The following C16orf96 variants were observed in gnomAD, a reference collection of about 807,000 sequenced individuals.
The protein encoded by C16orf96 is chromosome 16 open reading frame 96.
A neutral mutation model predicts 103.6 loss-of-function variants in C16orf96; 108 were observed. The observed-to-expected ratio is 1.04, with a 90% CI of 0.89 to 1.22. C16orf96 has a LOEUF of 1.22. Among genes scored for constraint, C16orf96 ranks in the 50% most tolerant of loss-of-function variants. The pLI is 0.00. For synonymous variants in C16orf96, 566 were observed against 593.5 expected, an observed-to-expected ratio of 0.95 and a Z score of 0.67; for missense variants, 1,586 against 1,464.2, an observed-to-expected ratio of 1.08 and a Z score of -1.36.
chr16:4,544,433 C>T, the C16orf96 span, among the ~76,000 whole-genome samples: 4 of 152,088 alleles, frequency 2.6e-5, no homozygotes, highest in Admixed American at 1.3e-4. Context: ...TGGCAAAACC[C>T]GGTATCTACA....
intron 10 of C16orf96, 114 bp downstream of exon 10, chr16:4,591,898 G>C (rs1897067644): frequency 1.2e-6 from 1 of 850,836 alleles, no homozygotes. Flanking sequence ...GGGGATGGGG[G>C]CTTGGCTGTG....
rs1245106525 is a variant in C16orf96, at chr16:4,593,753, G to A, written c.2867+437G>A. ...AGTCCTCACAGCTGCCCTCTAAGAT[G>A]TATCCTGGTACCATCCCATGTCACA... On this transcript the variant is annotated intron_variant, in intron 12 of 15. Transcript: ENST00000444310. This position sits in a 1 kb window ranked among gnomAD's most constrained non-coding sequence, Gnocchi z 4.2. 6.6e-6 allele frequency among the ~76,000 whole-genome samples: 1 copy of A among 152,114 alleles called. No homozygotes were observed. Among genetic ancestry groups the A allele is most frequent in the East Asian group, 1.9e-4 (1 of 5,168 alleles).
intron 9 of C16orf96, among the ~76,000 whole-genome samples, chr16:4,589,415 T>C (rs8052622): frequency 0.96 from 143,137 of 149,474 alleles, 68,814 homozygotes; most frequent in East Asian, 1. Flanking sequence ...TCTGTCCCCC[T>C]ACCAAAAAAA....
At chr16:4,595,686 G>GTTT (rs1555440694) in intron 14 of C16orf96, among the ~76,000 whole-genome samples, 45 of 59,690 alleles carry the variant, frequency 7.5e-4, no homozygotes, top group East Asian at 3.0e-3. Flanking sequence ...AGAAATTCTG[G>GTTT]TTTTTTGTTG....
chr16:4,571,006 CAAACAAAAACAA>C (rs960064232), intron 1 of C16orf96, among the ~76,000 whole-genome samples: 1 of 151,876 alleles, frequency 6.6e-6, no homozygotes, highest in Non-Finnish European at 1.5e-5. Context: ...CCATCTCTAC[CAAACAAAAACAA>C]AAACAAAAAC....
intron 1 of C16orf96, among the ~76,000 whole-genome samples, chr16:4,565,748 C>T (rs751421958): frequency 6.6e-6 from 1 of 152,204 alleles, no homozygotes; most frequent in Non-Finnish European, 1.5e-5. Flanking sequence ...TTTGTCCTCC[C>T]GAGGTGCTGG....
chr16:4,589,317 G>A (rs1402490979), intron 9 of C16orf96, among the ~76,000 whole-genome samples: 5 of 151,816 alleles, frequency 3.3e-5, no homozygotes, highest in Admixed American at 2.0e-4. Context: ...GGTGGCTCAC[G>A]CCTGTTATCC....
At position 4,580,045 on chromosome 16, in the gene C16orf96, C is replaced by A. The variant is rs1336319426; in HGVS notation, c.2272C>A (p.Gln758Lys). Residue 758 changes from glutamine (Q) to lysine (K), a missense_variant, in exon 7 of 16, where the codon CAA (glutamine) becomes AAA (lysine). Gln to Lys is a moderately conservative substitution (Grantham distance 53, BLOSUM62 1). Coordinates refer to ENST00000444310, the MANE Select transcript of C16orf96 (RefSeq NM_001145011.2). ...AGAACTTGAGAGAATTTGGGGCAAC[C>A]AAATAGAGATGATGAAGGATCGCTA... ...EEELERIWGN[Q>K]IEMMKDRYIT... 1 of 1,551,142 alleles carries A rather than the reference C, an allele frequency of 6.4e-7. No homozygotes were observed. The highest frequency in any genetic ancestry group is 8.7e-7 in the Non-Finnish European group (1 of 1,146,800).
intron 13 of C16orf96, 58 bp downstream of exon 13, chr16:4,594,568 G>C (rs1416775778): frequency 6.5e-7 from 1 of 1,543,450 alleles, no homozygotes; most frequent in African/African-American, 1.4e-5. Flanking sequence ...CCCAGCCCCA[G>C]GTGTGGGACC....
At position 4,581,165 on chromosome 16, in the gene C16orf96, TATATATA is replaced by T. The variant is rs1567450479; in HGVS notation, c.2352+1041_2352+1047del. Among the ~76,000 whole-genome samples, 273 of 120,294 alleles carry T rather than the reference TATATATA, an allele frequency of 2.3e-3. 5 individuals are homozygous for T. Among genetic ancestry groups the T allele is most frequent in the African/African-American group, 7.7e-3 (251 of 32,628 alleles). The allele number at this position is 120,294 out of a possible 152,430, so 78.9% of individuals were successfully genotyped here. On this transcript the variant is annotated intron_variant, in intron 7 of 15. Transcript: ENST00000444310. Reference sequence around the variant, plus strand: ...ACATATATATATATATATATATATATATATATATATATATATATAATTAGCCAGGCGT... The same window carrying T: ...ACATATATATATATATATATATATATTATATATATATAATTAGCCAGGCGT...
chr16:4,551,855 C>G (rs961345730), upstream of C16orf96, among the ~76,000 whole-genome samples: 2 of 152,148 alleles, frequency 1.3e-5, no homozygotes, highest in African/African-American at 4.8e-5. Flanking sequence ...AACCCATCAT[C>G]TAGGTTTTAA....
intron 14 of C16orf96, among the ~76,000 whole-genome samples, 189 bp downstream of exon 14, chr16:4,594,992 C>T (rs1408642866): frequency 6.6e-6 from 1 of 152,160 alleles, no homozygotes; most frequent in African/African-American, 2.4e-5. Flanking sequence ...GGGAGGGAGA[C>T]CGCGGGAGCG....
chr16:4,556,780 G>A lies in C16orf96; in HGVS notation c.291G>A (p.Leu97=), dbSNP rs74005359. 7.8e-4 allele frequency: 1,215 copies of A among 1,551,698 alleles called. 10 individuals carry two copies. The African/African-American group carries it at 0.015, about 19-fold the overall frequency. The change falls in exon 1 of 16, where the codon CTG becomes CTA. Residue 97 remains leucine (L), a synonymous_variant. Transcript: ENST00000444310. ...ACAAGTTGGAGAACCAGCTGGCCCT[G>A]CTGCAGGACCTGCCCTCCACTGCCC... ...RLDKLENQLA[L]LQDLPSTAQL... is the part of the protein sequence containing the mutation.
At chr16:4,574,819 C>T (rs2059480349) in intron 3 of C16orf96, 30 bp downstream of exon 3, 1 of 1,548,834 alleles carries the variant, frequency 6.5e-7, no homozygotes, top group African/African-American at 1.4e-5. Context: ...TCTTCCCCCA[C>T]TCCCCCTGGG....
At chr16:4,541,473 C>T in the C16orf96 span, among the ~76,000 whole-genome samples, 1 of 152,184 alleles carries the variant, frequency 6.6e-6, no homozygotes, top group Non-Finnish European at 1.5e-5. Flanking sequence ...ACTCGGGAGG[C>T]TGAGGTGGGA....
At chr16:4,581,939 A>G (rs531013154) in intron 7 of C16orf96, among the ~76,000 whole-genome samples, 3 of 152,044 alleles carry the variant, frequency 2.0e-5, no homozygotes, top group East Asian at 1.9e-4. Flanking sequence ...TGGGTGACAC[A>G]GAAAGACCAT....
In C16orf96 at chr16:4,587,803, G is replaced by A. The variant is rs1896964394; in HGVS notation, c.2428-364G>A. Among the ~76,000 whole-genome samples, 13 of 152,154 alleles carry A rather than the reference G, an allele frequency of 8.5e-5. 1 individual carries two copies. In the South Asian group the frequency reaches 2.7e-3, roughly 32 times the overall value. On this transcript the variant is annotated intron_variant, in intron 8 of 15. Coordinates refer to ENST00000444310, the MANE Select transcript of C16orf96 (RefSeq NM_001145011.2). ...ATAAAAAAATGAACTGGGCATGATG[G>A]AACATGCCTGTAGTCCCAGCCACTC...
chr16:4,594,388 CAGG>C lies in C16orf96; in HGVS notation c.2910_2912del (p.Glu970del), dbSNP rs59955859. The C allele has an allele frequency of 0.039, 61,072 of 1,551,158 alleles. 2,105 individuals carry two copies. The highest frequency in any genetic ancestry group is 0.18 in the African/African-American group (13,099 of 73,104). ...GCTGCAGCTCCAGGACCTCGGTATC[CAGG>C]AGGATTGTCAGCAGGACTGGGGTGA... On this transcript the variant is annotated inframe_deletion, in exon 13 of 16. Transcript: ENST00000444310.
chr16:4,555,963 G>A (rs2059258975), upstream of C16orf96, among the ~76,000 whole-genome samples: 1 of 152,006 alleles, frequency 6.6e-6, no homozygotes, highest in Non-Finnish European at 1.5e-5. Flanking sequence ...CCTCCCCAAA[G>A]TGCTGGGATT....
Sources: gnomAD v4.1 joint callset for allele counts (sites outside exome capture counted in the v4.1 genomes callset) on GRCh38, gnomAD v4.1.1 for gene constraint, Gnocchi (gnomAD v3.1) non-coding constraint, MANE v1.5 for transcripts, NCBI Gene and HGNC (gene_info 2026-07-23, HGNC 2026-07-21) for gene names.